Variants in LNX1 observed in about 807,000 individuals in gnomAD.
The protein encoded by LNX1 is E3 ubiquitin-protein ligase LNX.
LNX1 carries 54 observed loss-of-function variants against 68.4 expected under a neutral mutation model. That is an observed-to-expected ratio of 0.79 (90% CI 0.63 to 0.99). LNX1 has a LOEUF of 0.99. Among genes scored for constraint, LNX1 ranks in the 50% least tolerant of loss-of-function variants. LNX1 has a pLI of 0.00. For synonymous variants in LNX1, 336 were observed against 350.0 expected, an observed-to-expected ratio of 0.96 and a Z score of 0.45; for missense variants, 906 against 926.4, an observed-to-expected ratio of 0.98 and a Z score of 0.29.
rs146691018 is a variant in LNX1, at chr4:53,506,404, G to A, written c.775+913C>T. Among the ~76,000 whole-genome samples the A allele has an allele frequency of 4.4e-3, 658 of 151,254 alleles. 3 individuals are homozygous for A. Among genetic ancestry groups the A allele is most frequent in the Middle Eastern group, 0.031 (9 of 294 alleles). ...AAGACAGTAGGACAGTATTTCCTCA[G>A]CTCCACTTATATTGGGGAAAACATA... On this transcript the variant is annotated intron_variant, in intron 4 of 10. Transcript: ENST00000263925.
chr4:53,649,156 A>G (rs1388352499), intron 1 of LNX1, among the ~76,000 whole-genome samples: 6 of 152,198 alleles, frequency 3.9e-5, no homozygotes, highest in Non-Finnish European at 8.8e-5. Context: ...GCCAAAATCT[A>G]TTTGTTTAAA....
At chr4:53,534,730 C>T (rs1728252427) in intron 2 of LNX1, among the ~76,000 whole-genome samples, 2 of 152,186 alleles carry the variant, frequency 1.3e-5, no homozygotes, top group South Asian at 4.1e-4. Flanking sequence ...TAAATATTTT[C>T]ACAAGAAATA....
chr4:53,468,904 C>A (rs1035578695), intron 9 of LNX1, among the ~76,000 whole-genome samples: 3 of 152,274 alleles, frequency 2.0e-5, no homozygotes, highest in African/African-American at 7.2e-5. Context: ...GACTTTAACA[C>A]CCCATTGTCA....
At chr4:53,543,875 C>T (rs1302225999) in intron 2 of LNX1, among the ~76,000 whole-genome samples, 1 of 151,758 alleles carries the variant, frequency 6.6e-6, no homozygotes, top group Non-Finnish European at 1.5e-5. Flanking sequence ...TGACACTAAG[C>T]AACTGAATGG....
At chr4:53,632,928 T>C (rs1734330492) in intron 1 of LNX1, among the ~76,000 whole-genome samples, 1 of 152,248 alleles carries the variant, frequency 6.6e-6, no homozygotes, top group South Asian at 2.1e-4. Context: ...CCTCAAGATA[T>C]ATCCTATGTA....
chr4:53,593,718 T>G (rs1365653725), upstream of LNX1: 4 of 152,134 alleles, frequency 2.6e-5, no homozygotes, highest in Non-Finnish European at 5.9e-5. Flanking sequence ...GGAAATTATA[T>G]TTCTAAACTA....
At chr4:53,473,836 G>GA (rs1358986076) in intron 9 of LNX1, among the ~76,000 whole-genome samples, 1 of 151,710 alleles carries the variant, frequency 6.6e-6, no homozygotes. Flanking sequence ...GCAAAATGGA[G>GA]AAAAAAGAGT....
intron 2 of LNX1, among the ~76,000 whole-genome samples, chr4:53,529,740 C>T (rs1727887216): frequency 6.6e-6 from 1 of 152,172 alleles, no homozygotes. Context: ...GAACTTATTA[C>T]ACAGTGCAGG....
At chr4:53,545,697 A>C (rs1416508961) in intron 2 of LNX1, among the ~76,000 whole-genome samples, 1 of 152,156 alleles carries the variant, frequency 6.6e-6, no homozygotes. Flanking sequence ...TGCCATCATT[A>C]AAACCTGATT....
At chr4:53,507,864 C>A in intron 3 of LNX1, 122 bp downstream of exon 3, 4 of 1,328,610 alleles carry the variant, frequency 3.0e-6, no homozygotes, top group Non-Finnish European at 2.0e-6. Flanking sequence ...TGGGTTCCTG[C>A]CAAAACTACC....
rs954187423 is a variant in LNX1 at position 53,495,414 on chromosome 4, C to T, written c.1350+609G>A. ...ACTTGCCTGAGTGATCAAGAATTTG[C>T]GTCCCTCTCTTCTTAGGGGGCTTCC... On this transcript the variant is annotated intron_variant, in intron 6 of 10. Coordinates refer to ENST00000263925, the MANE Select transcript of LNX1 (RefSeq NM_001126328.3). 5.9e-5 allele frequency among the ~76,000 whole-genome samples: 9 copies of T among 152,262 alleles called. No homozygotes were observed. The South Asian group carries it at 6.2e-4, about 11-fold the overall frequency.
At chr4:53,540,544 TG>T (rs1375904031) in intron 2 of LNX1, among the ~76,000 whole-genome samples, 2 of 151,718 alleles carry the variant, frequency 1.3e-5, no homozygotes, top group Non-Finnish European at 2.9e-5. Context: ...TAGCTGGGCA[TG>T]GTGGTGGGTG....
At chr4:53,635,969 A>G (rs1382804845) in intron 1 of LNX1, among the ~76,000 whole-genome samples, 1 of 152,206 alleles carries the variant, frequency 6.6e-6, no homozygotes, top group Non-Finnish European at 1.5e-5. Context: ...GGGAATTAGA[A>G]GCATTAGGCT....
At chr4:53,612,251 A>C (rs1420199544) in intron 2 of LNX1, among the ~76,000 whole-genome samples, 1 of 152,212 alleles carries the variant, frequency 6.6e-6, no homozygotes, top group Non-Finnish European at 1.5e-5. Context: ...GCAGGTTAGT[A>C]GGTAAGGGAG....
chr4:53,641,016 T>C (rs1356340347), intron 1 of LNX1, among the ~76,000 whole-genome samples: 1 of 152,242 alleles, frequency 6.6e-6, no homozygotes, highest in African/African-American at 2.4e-5. Flanking sequence ...TGGCTGCTAA[T>C]TGGAGCTTGC....
At chr4:53,538,990 T>C (rs1019621661) in intron 2 of LNX1, 1 of 152,260 alleles carries the variant, frequency 6.6e-6, no homozygotes, top group African/African-American at 2.4e-5. Context: ...TCTGACGGGT[T>C]GAAGGGGATC....
chr4:53,462,166 A>T (rs1334146815), intron 9 of LNX1, among the ~76,000 whole-genome samples: 2 of 152,130 alleles, frequency 1.3e-5, no homozygotes, highest in African/African-American at 4.8e-5. Context: ...TTTAAAGATT[A>T]TAAGAACAAT....
Position 53,460,661 on chromosome 4 carries a change from G to T in LNX1, c.*246C>A. 2.6e-6 allele frequency: 1 copy of T among 381,946 alleles called. No homozygotes were observed. Among genetic ancestry groups the T allele is most frequent in the Non-Finnish European group, 4.6e-6 (1 of 217,574 alleles). The allele number at this position is 381,946 out of a possible 1,614,324, so 23.7% of individuals were successfully genotyped here. A position where few individuals can be genotyped will look rare whatever the true frequency, so the allele number is the denominator to read the frequency against. The stretch of plus-strand genomic sequence containing the variant: ...TTGTTTTAGGGCTTTTTATTGAATA[G>T]AAAAAATATAAACAATGTTGTAGAG... On this transcript the variant is annotated 3_prime_UTR_variant, in exon 11 of 11. Transcript: ENST00000263925.
chr4:53,523,795 C>T (rs1418108171), intron 2 of LNX1, among the ~76,000 whole-genome samples: 2 of 152,168 alleles, frequency 1.3e-5, no homozygotes, highest in Non-Finnish European at 2.9e-5. Flanking sequence ...ATTAGTGGCC[C>T]TCTTTACTTT....
Sources: allele counts gnomAD v4.1 joint callset (sites outside exome capture counted in the v4.1 genomes callset), GRCh38; gene constraint gnomAD v4.1.1; transcripts MANE v1.5; gene names NCBI Gene and HGNC (gene_info 2026-07-23, HGNC 2026-07-21).